Variants in ATXN10 observed in about 807,000 individuals in gnomAD.
ATXN10 encodes the protein ataxin 10.
In ATXN10, 28 loss-of-function variants were observed where a neutral mutation model predicts 52.9. That is an observed-to-expected ratio of 0.53 (90% CI 0.39 to 0.73). The LOEUF (loss-of-function observed/expected upper bound fraction) is 0.73, where lower values mean the gene tolerates loss of function less well. Ranked by LOEUF, ATXN10 falls within the 30% of genes least tolerant of loss-of-function variation. The pLI is 0.00. For missense variants in ATXN10, 565 were observed against 577.0 expected (o/e 0.98, Z 0.21); for synonymous variants, 226 against 221.5 (o/e 1.02, Z -0.18).
intron 5 of ATXN10, among the ~76,000 whole-genome samples, chr22:45,709,193 G>A (rs1924152317): frequency 6.6e-6 from 1 of 152,152 alleles, no homozygotes; most frequent in African/African-American, 2.4e-5. Context: ...GCGCACAACA[G>A]CCATGCATTC....
In ATXN10 at chr22:45,738,815, C is replaced by T. The variant is rs775099691; in HGVS notation, c.979C>T (p.Pro327Ser). The T allele has an allele frequency of 1.2e-6, 2 of 1,614,078 alleles. No homozygotes were observed. Among genetic ancestry groups the T allele is most frequent in the Admixed American group, 3.3e-5 (2 of 60,026 alleles). Residue 327 changes from proline to serine, a missense_variant, in exon 8 of 12, where the codon CCT (proline) becomes TCT (serine). Pro to Ser is a moderately conservative substitution (Grantham distance 74, BLOSUM62 -1). Transcript: ENST00000252934. ...TELLGYLQVF[P>S]GLLERVIDLL... is the part of the protein sequence containing the mutation. ...GCTGCTCGGCTATCTGCAGGTTTTC[C>T]CTGGCTTGCTGGAAAGAGTGATTGG...
At position 45,775,599 on chromosome 22, in the gene ATXN10, C is replaced by G. The variant is rs970074943; in HGVS notation, c.1174-31360C>G. ...AGAATTAGGTGACTGCCAAACATGGCTTTCGTCAGTGTTAGCCTGTGTAAT... is the reference window on the plus strand; with the variant it reads ...AGAATTAGGTGACTGCCAAACATGGGTTTCGTCAGTGTTAGCCTGTGTAAT... On this transcript the variant is annotated intron_variant, in intron 9 of 11. Transcript: ENST00000252934. This position sits in a 1 kb window ranked among gnomAD's most constrained non-coding sequence, Gnocchi z 4.7. Among the ~76,000 whole-genome samples, 3 of 152,158 alleles carry G rather than the reference C, an allele frequency of 2.0e-5. No individual in the cohort carries two copies. The highest frequency in any genetic ancestry group is 4.4e-5 in the Non-Finnish European group (3 of 68,034).
rs1382729791 is a variant in ATXN10, at chr22:45,774,199, A to G, written c.1174-32760A>G. Reference sequence around the variant, plus strand: ...CCTGCCTTAGTAGGCATGGTGGGGCACCTGCCTCCTACTTGGCATTTCTGC... The same window carrying G: ...CCTGCCTTAGTAGGCATGGTGGGGCGCCTGCCTCCTACTTGGCATTTCTGC... On this transcript the variant is annotated intron_variant, in intron 9 of 11. Coordinates refer to ENST00000252934, the MANE Select transcript of ATXN10 (RefSeq NM_013236.4). This position sits in a 1 kb window ranked among gnomAD's most constrained non-coding sequence, Gnocchi z 6.2. Among the ~76,000 whole-genome samples the G allele has an allele frequency of 6.6e-6, 1 of 152,220 alleles. No homozygotes were observed. Among genetic ancestry groups the G allele is most frequent in the Non-Finnish European group, 1.5e-5 (1 of 68,034 alleles).
At position 45,795,472 on chromosome 22, in the gene ATXN10, G is replaced by A. The variant is rs72556348; in HGVS notation, c.1174-11487G>A. On this transcript the variant is annotated intron_variant, in intron 9 of 11. Transcript: ENST00000252934. The surrounding 1 kb of genome is among the most constrained non-coding windows in gnomAD (Gnocchi z 4.6). The stretch of plus-strand genomic sequence containing the variant: ...GTTGCCCAGGCTGGAGTGCAGTGGC[G>A]CGATCTCAGCTCACTGCAACCTCTG... 0.088 allele frequency among the ~76,000 whole-genome samples: 13,209 copies of A among 149,822 alleles called. 815 individuals carry two copies. Among genetic ancestry groups the A allele is most frequent in the Middle Eastern group, 0.15 (44 of 292 alleles).
intron 9 of ATXN10, chr22:45,792,650 C>G (rs1927555156): frequency 3.9e-6 from 1 of 255,070 alleles, no homozygotes; most frequent in Non-Finnish European, 8.1e-6. Flanking sequence ...CGGCAAGTTC[C>G]CTAAAGTCCC....
chr22:45,724,485 C>T (rs1412076595), intron 6 of ATXN10, among the ~76,000 whole-genome samples: 1 of 152,050 alleles, frequency 6.6e-6, no homozygotes, highest in Non-Finnish European at 1.5e-5. Flanking sequence ...AATGTCTATT[C>T]ATGTCATTTG....
intron 10 of ATXN10, among the ~76,000 whole-genome samples, chr22:45,821,299 C>G (rs927898401): frequency 6.6e-6 from 1 of 150,658 alleles, no homozygotes; most frequent in African/African-American, 2.4e-5. Context: ...ATCGCTTGAG[C>G]CTGGGAGTTT....
chr22:45,729,478 C>T lies in ATXN10; in HGVS notation c.782C>T (p.Thr261Ile), dbSNP rs568068318. 1.2e-6 allele frequency: 2 copies of T among 1,614,162 alleles called. No individual in the cohort carries two copies. Among genetic ancestry groups the T allele is most frequent in the Admixed American group, 1.7e-5 (1 of 60,028 alleles). Reference sequence around the variant, plus strand: ...AAGATAACGAGTGATGAGCCACTCACCAAGGATGACATCCCTGTGTTTTTG... The same window carrying T: ...AAGATAACGAGTGATGAGCCACTCATCAAGGATGACATCCCTGTGTTTTTG... ...IAKITSDEPL[T>I]KDDIPVFLRH... is the part of the protein sequence containing the mutation. Residue 261 changes from threonine to isoleucine, a missense_variant, in exon 7 of 12, where the codon ACC becomes ATC. Thr to Ile is a moderately conservative substitution (Grantham distance 89). Transcript: ENST00000252934.
At chr22:45,689,506 A>G (rs1275671680) in intron 1 of ATXN10, 1 of 598,034 alleles carries the variant, frequency 1.7e-6, no homozygotes, top group Non-Finnish European at 3.0e-6. Flanking sequence ...CTGAGATAAT[A>G]CATGAGAAGT....
rs1205447009 is a variant in ATXN10 at position 45,789,388 on chromosome 22, T to G, written c.1174-17571T>G. Reference sequence around the variant, plus strand: ...CATATATTTTTTTTCCGCAAATCATTGTTAAGTATCTCGGGACCGGGCAAG... The same window carrying G: ...CATATATTTTTTTTCCGCAAATCATGGTTAAGTATCTCGGGACCGGGCAAG... On this transcript the variant is annotated intron_variant, in intron 9 of 11. Coordinates refer to ENST00000252934, the MANE Select transcript of ATXN10 (RefSeq NM_013236.4). This position sits in a 1 kb window ranked among gnomAD's most constrained non-coding sequence, Gnocchi z 4.0. Among the ~76,000 whole-genome samples, 1 of 152,164 alleles carries G rather than the reference T, an allele frequency of 6.6e-6. No homozygotes were observed. Among genetic ancestry groups the G allele is most frequent in the Non-Finnish European group, 1.5e-5 (1 of 68,018 alleles).
Position 45,774,893 on chromosome 22 carries a change from T to C in ATXN10, c.1174-32066T>C, listed in dbSNP as rs185482073. Among the ~76,000 whole-genome samples the C allele has an allele frequency of 1.2e-3, 176 of 152,244 alleles. 1 individual carries two copies. The highest frequency in any genetic ancestry group is 3.4e-3 in the Middle Eastern group (1 of 294). On this transcript the variant is annotated intron_variant, in intron 9 of 11. Transcript: ENST00000252934. The surrounding 1 kb of genome is among the most constrained non-coding windows in gnomAD (Gnocchi z 6.2). ...GGTGGCAGGCTGCAGTGAGCCAAGA[T>C]CACGCCAGTGCACGCCAGCCTGGGT... is the stretch of plus-strand genomic sequence containing the variant.
In ATXN10 at chr22:45,784,099, A is replaced by G. The variant is rs1024366554; in HGVS notation, c.1174-22860A>G. Among the ~76,000 whole-genome samples the G allele has an allele frequency of 4.4e-4, 67 of 152,158 alleles. No individual in the cohort carries two copies. The highest frequency in any genetic ancestry group is 1.5e-3 in the African/African-American group (63 of 41,434). On this transcript the variant is annotated intron_variant, in intron 9 of 11. Transcript: ENST00000252934. The surrounding 1 kb of genome is among the most constrained non-coding windows in gnomAD (Gnocchi z 4.2). Reference sequence around the variant, plus strand: ...TCATTTGCACACTTTGAGGTTTTCCAGCACATTTAATATTATTTCAGCCAT... The same window carrying G: ...TCATTTGCACACTTTGAGGTTTTCCGGCACATTTAATATTATTTCAGCCAT...
At chr22:45,738,863 A>G in intron 8 of ATXN10, 24 bp downstream of exon 8, 1 of 1,569,896 alleles carries the variant, frequency 6.4e-7, no homozygotes, top group East Asian at 2.2e-5. Context: ...CACACATTGT[A>G]TTTTTAGCTA....
rs562273428 is a variant in ATXN10, at chr22:45,714,508, G to GAA, written c.648-3904_648-3903dup. Among the ~76,000 whole-genome samples, 202 of 152,110 alleles carry GAA rather than the reference G, an allele frequency of 1.3e-3. 1 individual carries two copies. Among genetic ancestry groups the GAA allele is most frequent in the African/African-American group, 4.7e-3 (195 of 41,524 alleles). On this transcript the variant is annotated intron_variant, in intron 5 of 11. Transcript: ENST00000252934. ...TAATCTTCCCTCCTCAGCCCACTGAGAAGCTGGGATCGCAGGTGCATACCA... is the reference window on the plus strand; with the variant it reads ...TAATCTTCCCTCCTCAGCCCACTGAGAAAAGCTGGGATCGCAGGTGCATACCA...
chr22:45,695,406 C>T (rs1347722959), intron 3 of ATXN10, among the ~76,000 whole-genome samples: 1 of 151,676 alleles, frequency 6.6e-6, no homozygotes, highest in Non-Finnish European at 1.5e-5. Context: ...GAGAAGTCTC[C>T]AGTTGCATTT....
intron 1 of ATXN10, among the ~76,000 whole-genome samples, chr22:45,687,796 C>T (rs1200952205): frequency 1.3e-5 from 2 of 152,188 alleles, no homozygotes; most frequent in African/African-American, 2.4e-5. Flanking sequence ...TGCAGTGGCT[C>T]ACACCTGTAA....
At chr22:45,773,967 C>T (rs1367001636) in intron 9 of ATXN10, among the ~76,000 whole-genome samples, 2 of 152,202 alleles carry the variant, frequency 1.3e-5, no homozygotes, top group Non-Finnish European at 2.9e-5. Context: ...GTAGATTTCT[C>T]ATTGCAGTCC....
At chr22:45,702,590 G>GT (rs772490935) in intron 4 of ATXN10, 99 bp from the exon 5 acceptor site, 112 of 1,093,470 alleles carry the variant, frequency 1.0e-4, no homozygotes, top group Non-Finnish European at 1.5e-4. Flanking sequence ...ATCCTCAAAA[G>GT]TATTAGCATG....
intron 6 of ATXN10, among the ~76,000 whole-genome samples, chr22:45,721,899 A>G (rs532773286): frequency 3.9e-5 from 6 of 152,224 alleles, no homozygotes; most frequent in Non-Finnish European, 8.8e-5. Context: ...TGGGCAACAG[A>G]GCGAGACTCT....
Sources: allele counts gnomAD v4.1 joint callset (sites outside exome capture counted in the v4.1 genomes callset), GRCh38; gene constraint gnomAD v4.1.1; non-coding constraint Gnocchi (gnomAD v3.1); transcripts MANE v1.5; gene names NCBI Gene and HGNC (gene_info 2026-07-23, HGNC 2026-07-21).